ATP9B: variants seen among roughly 807,000 people sequenced by gnomAD.
The protein encoded by ATP9B is ATPase phospholipid transporting 9B, also known as probable phospholipid-transporting ATPase IIB.
Under a neutral mutation model 146.1 loss-of-function variants are expected in ATP9B, and 110 were observed. That is an observed-to-expected ratio of 0.75 (90% CI 0.65 to 0.88). ATP9B has a LOEUF of 0.88. ATP9B is among the 40% of genes least tolerant of loss of function. ATP9B has a pLI of 0.00. For synonymous variants in ATP9B, 604 were observed against 569.7 expected (o/e 1.06, Z -0.86); for missense variants, 1,499 against 1,496.4 (o/e 1.00, Z -0.03).
At chr18:79,110,548 T>C (rs2075938506) in intron 3 of ATP9B, 43 bp downstream of exon 3, 1 of 1,562,896 alleles carries the variant, frequency 6.4e-7, no homozygotes. Context: ...GTGTCAGAGA[T>C]TGCTGGCTTC....
intron 7 of ATP9B, among the ~76,000 whole-genome samples, chr18:79,173,264 G>T (rs958151927): frequency 4.8e-4 from 73 of 152,022 alleles, no homozygotes; most frequent in African/African-American, 1.7e-3. Context: ...CAAATATTTT[G>T]TACTAGTTTG....
intron 9 of ATP9B, among the ~76,000 whole-genome samples, chr18:79,197,942 A>T (rs1404793111): frequency 1.3e-5 from 2 of 152,240 alleles, no homozygotes; most frequent in Non-Finnish European, 2.9e-5. Flanking sequence ...GTTTATTAAG[A>T]CTATAGAATA....
intron 26 of ATP9B, among the ~76,000 whole-genome samples, chr18:79,368,034 T>C (rs1467773341): frequency 6.6e-6 from 1 of 152,166 alleles, no homozygotes; most frequent in Non-Finnish European, 1.5e-5. Context: ...GGTGCGTGTC[T>C]GTGTCTCCAT....
At chr18:79,324,377 G>A (rs1199846739) in intron 15 of ATP9B, among the ~76,000 whole-genome samples, 2 of 152,078 alleles carry the variant, frequency 1.3e-5, no homozygotes, top group Non-Finnish European at 2.9e-5. Context: ...AGAAGTCTTT[G>A]CCCAGACCAA....
rs1391667991 is a variant in ATP9B at position 79,345,471 on chromosome 18, G to A, written c.2516G>A (p.Cys839Tyr). The change falls in exon 22 of 30, where the codon TGC becomes TAC. Residue 839 changes from cysteine (C) to tyrosine (Y), a missense_variant. By Grantham distance (194) the Cys-to-Tyr change is radical. Transcript: ENST00000426216. ...GAGCATGAATTTGTGGAGCTGGCCT[G>A]CCAGTGCCCTGCCGTGGTTTGCTGC... ...YYEHEFVELA[C>Y]QCPAVVCCRC... 1 of 1,613,802 alleles carries A rather than the reference G, an allele frequency of 6.2e-7. No individual in the cohort carries two copies. Among genetic ancestry groups the A allele is most frequent in the Admixed American group, 1.7e-5 (1 of 60,004 alleles).
At chr18:79,297,443 G>A (rs1215948253) in intron 13 of ATP9B, among the ~76,000 whole-genome samples, 6 of 152,314 alleles carry the variant, frequency 3.9e-5, no homozygotes, top group East Asian at 1.9e-4. Context: ...AGCAAGACGC[G>A]GCCCGCCGTT....
chr18:79,118,446 G>A (rs1167795998), intron 4 of ATP9B, among the ~76,000 whole-genome samples: 4 of 124,790 alleles, frequency 3.2e-5, no homozygotes, highest in Non-Finnish European at 6.3e-5. Flanking sequence ...TGTCGCCCAG[G>A]CTGGAGTGCA....
intron 15 of ATP9B, 186 bp downstream of exon 15, chr18:79,307,420 CT>C: frequency 1.2e-6 from 1 of 838,574 alleles, no homozygotes; most frequent in Non-Finnish European, 1.8e-6. Flanking sequence ...TAGCCTGGGC[CT>C]TGCACATGCA....
intron 1 of ATP9B, among the ~76,000 whole-genome samples, chr18:79,075,124 T>C (rs2072450807): frequency 6.6e-6 from 1 of 151,664 alleles, no homozygotes; most frequent in Non-Finnish European, 1.5e-5. Context: ...TCCCCCAGGC[T>C]GGAGTGCATT....
At chr18:79,282,002 C>T (rs889218760) in intron 13 of ATP9B, among the ~76,000 whole-genome samples, 1 of 152,166 alleles carries the variant, frequency 6.6e-6, no homozygotes, top group African/African-American at 2.4e-5. Flanking sequence ...TTGATTCCGA[C>T]CCTCAGGGAT....
At chr18:79,257,280 G>T (rs2096092009) in intron 12 of ATP9B, among the ~76,000 whole-genome samples, 1 of 152,134 alleles carries the variant, frequency 6.6e-6, no homozygotes, top group African/African-American at 2.4e-5. Context: ...AGCCTGGGCA[G>T]GCAAAAGAAC....
intron 1 of ATP9B, among the ~76,000 whole-genome samples, chr18:79,070,668 C>T (rs752710796): frequency 5.4e-5 from 8 of 149,510 alleles, no homozygotes; most frequent in Non-Finnish European, 1.2e-4. Context: ...TCCATTTTTG[C>T]CTCATGTACT....
intron 1 of ATP9B, among the ~76,000 whole-genome samples, chr18:79,094,160 C>T (rs1599486934): frequency 1.3e-5 from 2 of 152,196 alleles, no homozygotes; most frequent in East Asian, 1.9e-4. Context: ...GCCATCTGCT[C>T]CCCGCCAGTG....
At chr18:79,186,561 A>G (rs576392273) in intron 8 of ATP9B, among the ~76,000 whole-genome samples, 1 of 152,286 alleles carries the variant, frequency 6.6e-6, no homozygotes, top group East Asian at 1.9e-4. Context: ...TTACTGTGAC[A>G]GTGTCATATT....
At chr18:79,253,278 ATTT>A in intron 11 of ATP9B, 100 bp from the exon 12 acceptor site, 1 of 1,119,400 alleles carries the variant, frequency 8.9e-7, no homozygotes, top group Non-Finnish European at 1.3e-6. Flanking sequence ...ATACCAATAA[ATTT>A]TAAAGTTTTT....
At chr18:79,192,635 A>G (rs1292171889) in intron 8 of ATP9B, among the ~76,000 whole-genome samples, 1 of 152,158 alleles carries the variant, frequency 6.6e-6, no homozygotes, top group Non-Finnish European at 1.5e-5. Flanking sequence ...TGTTTCGTGA[A>G]AGCTTTCCCA....
rs1156569680 is a variant in ATP9B, at chr18:79,209,361, C to T, written c.1030+2349C>T. ...ATCATTCGTGAAGATAGTAATGCTT[C>T]CCTTTTTAAAAATAAATTTCATCTT... On this transcript the variant is annotated intron_variant, in intron 10 of 29. Transcript: ENST00000426216. Among the ~76,000 whole-genome samples, 5 of 152,196 alleles carry T rather than the reference C, an allele frequency of 3.3e-5. No homozygotes were observed. The East Asian group carries it at 9.6e-4, about 29-fold the overall frequency.
chr18:79,325,833 T>C (rs2096741306), intron 15 of ATP9B, among the ~76,000 whole-genome samples: 1 of 152,158 alleles, frequency 6.6e-6, no homozygotes, highest in South Asian at 2.1e-4. Context: ...TTTTCCATTA[T>C]CTCTGCACAC....
intron 13 of ATP9B, among the ~76,000 whole-genome samples, chr18:79,284,871 T>G (rs1315662004): frequency 6.7e-6 from 1 of 150,082 alleles, no homozygotes; most frequent in African/African-American, 2.5e-5. Flanking sequence ...ATATGCAGTG[T>G]TTGGTTTTTT....
Sources: gnomAD v4.1 joint callset for allele counts (sites outside exome capture counted in the v4.1 genomes callset) on GRCh38, gnomAD v4.1.1 for gene constraint, MANE v1.5 for transcripts, NCBI Gene and HGNC (gene_info 2026-07-23, HGNC 2026-07-21) for gene names.